The following PTBP3 variants were observed in gnomAD, a reference collection of about 807,000 sequenced individuals.
PTBP3 encodes the protein polypyrimidine tract-binding protein 3.
A neutral mutation model predicts 58.7 loss-of-function variants in PTBP3; 20 were observed. The ratio of observed to expected loss-of-function variants is 0.34; its 90% CI spans 0.24 to 0.50. The LOEUF (loss-of-function observed/expected upper bound fraction) is 0.50. Among genes scored for constraint, PTBP3 ranks in the 20% least tolerant of loss-of-function variants. The pLI, the probability that PTBP3 is intolerant of heterozygous loss-of-function variation, is 0.98. For missense variants in PTBP3, 509 were observed against 637.2 expected (o/e 0.80, Z 2.17); for synonymous variants, 185 against 219.8 (o/e 0.84, Z 1.40).
At chr9:112,253,558 CATATTTA>C (rs1836220948) in intron 5 of PTBP3, among the ~76,000 whole-genome samples, 1 of 152,062 alleles carries the variant, frequency 6.6e-6, no homozygotes, top group Non-Finnish European at 1.5e-5. Context: ...AAAACAACAA[CATATTTA>C]GTTTTACTCT....
intron 10 of PTBP3, among the ~76,000 whole-genome samples, chr9:112,230,369 T>C (rs1284758226): frequency 1.9e-5 from 2 of 105,168 alleles, no homozygotes; most frequent in East Asian, 4.5e-4. Flanking sequence ...TTCTATCTTA[T>C]TTTAAAAATC....
At position 112,241,011 on chromosome 9, in the gene PTBP3, CGA is replaced by C. The variant is rs1205136310; in HGVS notation, c.803-6116_803-6115del. 2.6e-5 allele frequency among the ~76,000 whole-genome samples: 4 copies of C among 151,996 alleles called. No homozygotes were observed. In the East Asian group the frequency reaches 7.7e-4, roughly 29 times the overall value. On this transcript the variant is annotated intron_variant, in intron 7 of 13. Transcript: ENST00000374257. Reference sequence around the variant, plus strand: ...TTGTGTTTCAAGGTAAGTATTATTACGAAAGAGTCAAAAGTTAAAAATAAAAT... The same window carrying C: ...TTGTGTTTCAAGGTAAGTATTATTACAAGAGTCAAAAGTTAAAAATAAAAT...
chr9:112,345,531 A>G, the PTBP3 span, among the ~76,000 whole-genome samples: 1 of 151,106 alleles, frequency 6.6e-6, no homozygotes. Context: ...GCACACCACC[A>G]TGCCCAGCTA....
At chr9:112,238,667 A>G (rs1835526124) in intron 7 of PTBP3, among the ~76,000 whole-genome samples, 2 of 151,070 alleles carry the variant, frequency 1.3e-5, no homozygotes, top group African/African-American at 4.9e-5. Context: ...AAAATCCCTA[A>G]AGAACAGCCA....
intron 4 of PTBP3, among the ~76,000 whole-genome samples, chr9:112,265,253 A>T (rs1836750504): frequency 6.6e-6 from 1 of 152,194 alleles, no homozygotes; most frequent in African/African-American, 2.4e-5. Flanking sequence ...CCATAATCCT[A>T]GCACTTTGGG....
At chr9:112,328,810 C>T (rs1317175517) in intron 1 of PTBP3, among the ~76,000 whole-genome samples, 1 of 152,164 alleles carries the variant, frequency 6.6e-6, no homozygotes, top group Non-Finnish European at 1.5e-5. Flanking sequence ...TGAATGAACA[C>T]CACTGTCAGG....
At chr9:112,333,075 C>T (rs1830444722) in intron 1 of PTBP3, 2 of 1,270,286 alleles carry the variant, frequency 1.6e-6, no homozygotes, top group South Asian at 5.7e-5. Context: ...CCCCGCGCGC[C>T]GCCTCCGCCT....
chr9:112,307,702 C>T (rs1564451962), intron 1 of PTBP3, among the ~76,000 whole-genome samples: 1 of 152,062 alleles, frequency 6.6e-6, no homozygotes, highest in East Asian at 1.9e-4. Context: ...AGTTTTTTCC[C>T]AAGAACTCAC....
At chr9:112,228,079 A>C (rs1835060507) in intron 11 of PTBP3, among the ~76,000 whole-genome samples, 1 of 152,184 alleles carries the variant, frequency 6.6e-6, no homozygotes, top group Non-Finnish European at 1.5e-5. Flanking sequence ...ATTTGGAAGG[A>C]AAATAAATTA....
intron 3 of PTBP3, among the ~76,000 whole-genome samples, chr9:112,270,661 C>G (rs532466463): frequency 6.6e-6 from 1 of 152,200 alleles, no homozygotes; most frequent in African/African-American, 2.4e-5. Flanking sequence ...AAGAATTCTC[C>G]CCATTCCACA....
At chr9:112,350,451 C>A in the PTBP3 span, among the ~76,000 whole-genome samples, 1 of 152,130 alleles carries the variant, frequency 6.6e-6, no homozygotes, top group Non-Finnish European at 1.5e-5. Context: ...TTCTTCCACG[C>A]CCAGTACCCA....
intron 1 of PTBP3, among the ~76,000 whole-genome samples, chr9:112,326,447 A>G (rs1326036517): frequency 1.3e-5 from 2 of 152,248 alleles, no homozygotes; most frequent in Non-Finnish European, 2.9e-5. Flanking sequence ...ACAGGTGGCA[A>G]GCCAAATGTG....
chr9:112,344,407 T>C, the PTBP3 span, among the ~76,000 whole-genome samples: 1,234 of 152,306 alleles, frequency 8.1e-3, 21 homozygotes, highest in African/African-American at 0.028. Context: ...CAGGTTGTTA[T>C]AAAGCAAATT....
At position 112,247,730 on chromosome 9, in the gene PTBP3, G is replaced by A. The variant is rs1427895330; in HGVS notation, c.802+3199C>T. ...ACTATCTCAAAACAAAAAGTCTATG[G>A]ATTAAAGGACTGTATAGATGTTAAT... On this transcript the variant is annotated intron_variant, in intron 7 of 13. Transcript: ENST00000374257. Among the ~76,000 whole-genome samples the A allele has an allele frequency of 3.3e-5, 5 of 152,032 alleles. No homozygotes were observed. In the East Asian group the frequency reaches 9.6e-4, roughly 29 times the overall value.
chr9:112,232,806 T>C lies in PTBP3; in HGVS notation c.881-568A>G, dbSNP rs547411810. ...TTTGTAGCAGAAATGTTCTGAGCTC[T>C]CTACTTCTCTAGGTACTATGGAAAT... On this transcript the variant is annotated intron_variant, in intron 8 of 13. Transcript: ENST00000374257. 9.5e-4 allele frequency among the ~76,000 whole-genome samples: 144 copies of C among 152,298 alleles called. 1 individual carries two copies. The highest frequency in any genetic ancestry group is 1.9e-3 in the Non-Finnish European group (132 of 68,020).
At chr9:112,256,312 TA>T in intron 5 of PTBP3, among the ~76,000 whole-genome samples, 1 of 145,176 alleles carries the variant, frequency 6.9e-6, no homozygotes, top group Admixed American at 7.0e-5. Context: ...TATATATATT[TA>T]TCTATCTTGC....
chr9:112,361,249 A>G, the PTBP3 span, among the ~76,000 whole-genome samples: 1,356 of 152,072 alleles, frequency 8.9e-3, 20 homozygotes, highest in Non-Finnish European at 0.014. Flanking sequence ...GGCCTCCACC[A>G]CCATACCTGG....
the PTBP3 span, among the ~76,000 whole-genome samples, chr9:112,377,029 G>C: frequency 3.3e-5 from 5 of 152,218 alleles, no homozygotes; most frequent in Non-Finnish European, 7.3e-5. Context: ...GGGGTAGGTA[G>C]GTATGCAATG....
intron 2 of PTBP3, among the ~76,000 whole-genome samples, chr9:112,282,100 T>G (rs1827894678): frequency 6.6e-6 from 1 of 152,116 alleles, no homozygotes; most frequent in South Asian, 2.1e-4. Flanking sequence ...CCCACCTTCA[T>G]CATGTAATCT....
Sources: gnomAD v4.1 joint callset for allele counts (sites outside exome capture counted in the v4.1 genomes callset) on GRCh38, gnomAD v4.1.1 for gene constraint, MANE v1.5 for transcripts, NCBI Gene and HGNC (gene_info 2026-07-23, HGNC 2026-07-21) for gene names.